FAM221A: variants seen among roughly 807,000 people sequenced by gnomAD.
The protein encoded by FAM221A is protein FAM221A.
In FAM221A, 43 loss-of-function variants were observed where a neutral mutation model predicts 37.6. The observed-to-expected ratio is 1.15, with a 90% confidence interval of 0.90 to 1.48. The LOEUF is 1.48. Among genes scored for constraint, FAM221A ranks in the 40% most tolerant of loss-of-function variants. FAM221A has a pLI of 0.00. For missense variants in FAM221A, 361 were observed against 361.5 expected (o/e 1.00, Z 0.01); for synonymous variants, 135 against 132.9 (o/e 1.02, Z -0.11).
intron 6 of FAM221A, among the ~76,000 whole-genome samples, chr7:23,701,577 T>C (rs943417319): frequency 6.6e-6 from 1 of 152,184 alleles, no homozygotes; most frequent in Non-Finnish European, 1.5e-5. Context: ...TTATTCTTCT[T>C]AGAGGCTTTT....
In FAM221A at chr7:23,689,453, A is replaced by C; in HGVS notation, c.424A>C (p.Asn142His). The change falls in exon 3 of 7, where the codon AAT becomes CAT. Residue 142 changes from asparagine (N) to histidine (H), a missense_variant. Transcript: ENST00000344962. Reference sequence around the variant, plus strand: ...CAGTGCTGCGCCTGGCTTTACATGCAATACATGTGAGTTATATTATTATAA... The same window carrying C: ...CAGTGCTGCGCCTGGCTTTACATGCCATACATGTGAGTTATATTATTATAA... ...QHSAAPGFTC[N>H]TCSKCSGFHS... The C allele has an allele frequency of 1.3e-6, 2 of 1,554,276 alleles. No individual in the cohort carries two copies. Among genetic ancestry groups the C allele is most frequent in the Non-Finnish European group, 1.8e-6 (2 of 1,135,708 alleles).
At chr7:23,690,386 G>A (rs1784672712) in intron 3 of FAM221A, among the ~76,000 whole-genome samples, 1 of 151,312 alleles carries the variant, frequency 6.6e-6, no homozygotes, top group Non-Finnish European at 1.5e-5. Flanking sequence ...TGTATTTTTA[G>A]TAGAGACGGG....
chr7:23,685,468 TG>T (rs1053623646), intron 2 of FAM221A, among the ~76,000 whole-genome samples: 1 of 152,188 alleles, frequency 6.6e-6, no homozygotes, highest in Non-Finnish European at 1.5e-5. Flanking sequence ...TCAGTTTGAC[TG>T]GGGAGCAGTC....
intron 2 of FAM221A, 102 bp downstream of exon 2, chr7:23,684,774 T>C: frequency 3.6e-6 from 4 of 1,101,366 alleles, no homozygotes; most frequent in Non-Finnish European, 5.1e-6. Context: ...TTAACAATTG[T>C]CCTTTATATA....
Position 23,700,719 on chromosome 7 carries a change from C to CT in FAM221A, c.746-64dup, listed in dbSNP as rs2128052076. ...TATCACCGAGCAGGAGAAAACTTTT[C>CT]TTTCTTTTATTTCAGGGGAATATGT... On this transcript the variant is annotated intron_variant, in intron 5 of 6. Transcript: ENST00000344962. 2.8e-6 allele frequency: 3 copies of CT among 1,063,062 alleles called. No individual in the cohort carries two copies. In the South Asian group the frequency reaches 5.3e-5, roughly 19 times the overall value. 65.9% of individuals were successfully genotyped at this position (1,063,062 alleles called of 1,614,324 possible). A position where few individuals can be genotyped will look rare whatever the true frequency, so the allele number is the denominator to read the frequency against.
intron 5 of FAM221A, among the ~76,000 whole-genome samples, chr7:23,699,535 CTTTTTTTTTTTTTT>C (rs57930152): frequency 3.1e-5 from 2 of 64,162 alleles, no homozygotes; most frequent in Admixed American, 2.5e-4. Flanking sequence ...TCACCTTTTC[CTTTTTTTTTTTTTT>C]TTTTTTTTTT....
At chr7:23,693,505 A>G (rs1197690736) in intron 4 of FAM221A, 2 of 151,194 alleles carry the variant, frequency 1.3e-5, no homozygotes, top group African/African-American at 4.9e-5. Context: ...TCATTGACTT[A>G]TAGGAAGTCT....
intron 1 of FAM221A, 78 bp downstream of exon 1, chr7:23,680,361 C>A: frequency 8.1e-7 from 1 of 1,233,628 alleles, no homozygotes. Context: ...CGAGCAGGGG[C>A]CCGGCGGGCG....
At chr7:23,700,155 C>T (rs933818435) in intron 5 of FAM221A, among the ~76,000 whole-genome samples, 2 of 151,844 alleles carry the variant, frequency 1.3e-5, no homozygotes, top group African/African-American at 2.4e-5. Flanking sequence ...ACTAGAAGCG[C>T]AAGTGTTCAG....
At chr7:23,698,341 T>C in intron 5 of FAM221A, 42 bp downstream of exon 5, 6 of 1,041,426 alleles carry the variant, frequency 5.8e-6, no homozygotes, top group Non-Finnish European at 8.7e-6. Context: ...ATGTAGTAAA[T>C]TGGAATATGG....
At position 23,702,229 on chromosome 7, in the gene FAM221A, TAC is replaced by T. The variant is rs757370938; in HGVS notation, c.*67_*68del. On this transcript the variant is annotated 3_prime_UTR_variant, in exon 7 of 7. Coordinates refer to ENST00000344962, the MANE Select transcript of FAM221A (RefSeq NM_199136.5). ...TTTCATGTTTATTTAAATGTAATAA[TAC>T]AGTTTATTTTTCCTGAAATTATTTA... 4.9e-6 allele frequency: 5 copies of T among 1,015,206 alleles called. No individual in the cohort carries two copies. Among genetic ancestry groups the T allele is most frequent in the Admixed American group, 5.8e-5 (2 of 34,360 alleles). 62.9% of individuals were successfully genotyped at this position (1,015,206 alleles called of 1,614,324 possible).
chr7:23,698,339 A>T, intron 5 of FAM221A, 40 bp downstream of exon 5: 1 of 1,063,108 alleles, frequency 9.4e-7, no homozygotes, highest in Non-Finnish European at 1.4e-6. Flanking sequence ...GGATGTAGTA[A>T]ATTGGAATAT....
chr7:23,700,247 C>T (rs181485190), intron 5 of FAM221A, among the ~76,000 whole-genome samples: 1 of 152,328 alleles, frequency 6.6e-6, no homozygotes, highest in East Asian at 1.9e-4. Flanking sequence ...TGCAATTAGG[C>T]TCTTGGCTAC....
At chr7:23,680,379 G>A (rs1284776670) in intron 1 of FAM221A, 96 bp downstream of exon 1, 1 of 956,764 alleles carries the variant, frequency 1.0e-6, no homozygotes, top group Non-Finnish European at 1.5e-6. Flanking sequence ...GCGTCCGCGG[G>A]GGTTCCCGGA....
chr7:23,684,768 C>A, intron 2 of FAM221A, 96 bp downstream of exon 2: 8 of 1,146,268 alleles, frequency 7.0e-6, no homozygotes, highest in Non-Finnish European at 9.8e-6. Flanking sequence ...AAACATTTAA[C>A]AATTGTCCTT....
intron 3 of FAM221A, among the ~76,000 whole-genome samples, chr7:23,689,839 A>G (rs999508173): frequency 2.6e-5 from 4 of 152,152 alleles, no homozygotes; most frequent in Non-Finnish European, 5.9e-5. Flanking sequence ...TTATAAGTCA[A>G]AAAACTTTTA....
At chr7:23,701,728 TC>T (rs1318620844) in intron 6 of FAM221A, among the ~76,000 whole-genome samples, 4 of 152,106 alleles carry the variant, frequency 2.6e-5, no homozygotes, top group African/African-American at 9.7e-5. Flanking sequence ...TAGAAAACTA[TC>T]CTTAAAGCAG....
At chr7:23,696,092 A>G (rs895151796) in intron 4 of FAM221A, among the ~76,000 whole-genome samples, 2 of 152,190 alleles carry the variant, frequency 1.3e-5, no homozygotes, top group Non-Finnish European at 2.9e-5. Context: ...ATAAACCTAG[A>G]TGGTAGAGCA....
At position 23,700,873 on chromosome 7, in the gene FAM221A, G is replaced by A; in HGVS notation, c.828+5G>A. The A allele has an allele frequency of 6.3e-7, 1 of 1,596,638 alleles. No individual in the cohort carries two copies. Among genetic ancestry groups the A allele is most frequent in the Non-Finnish European group, 8.6e-7 (1 of 1,169,520 alleles). Reference sequence around the variant, plus strand: ...GAAAGACGATACCAGGAAAGGGTAGGTTTTTGAGGAAATTCAGTTGCACTA... The same window carrying A: ...GAAAGACGATACCAGGAAAGGGTAGATTTTTGAGGAAATTCAGTTGCACTA... On this transcript the variant is annotated splice_donor_5th_base_variant and intron_variant, in intron 6 of 6. Transcript: ENST00000344962.
Sources: allele counts gnomAD v4.1 joint callset (sites outside exome capture counted in the v4.1 genomes callset), GRCh38; gene constraint gnomAD v4.1.1; transcripts MANE v1.5; gene names NCBI Gene and HGNC (gene_info 2026-07-23, HGNC 2026-07-21).